Variants in ZNF385D observed in about 807,000 individuals in gnomAD.
The protein encoded by ZNF385D is zinc finger protein 385D.
ZNF385D carries 15 observed loss-of-function variants against 35.8 expected under a neutral mutation model. That is an observed-to-expected ratio of 0.42 (90% confidence interval 0.28 to 0.64). The LOEUF (loss-of-function observed/expected upper bound fraction) is 0.64, where lower values mean the gene tolerates loss of function less well. ZNF385D is among the 30% of genes least tolerant of loss of function. ZNF385D has a pLI of 0.23. For missense variants in ZNF385D, 474 were observed against 494.6 expected, an observed-to-expected ratio of 0.96 and a Z score of 0.39; for synonymous variants, 212 against 186.8, an observed-to-expected ratio of 1.13 and a Z score of -1.10.
intron 2 of ZNF385D, among the ~76,000 whole-genome samples, chr3:21,617,271 C>T (rs1369005104): frequency 6.6e-6 from 1 of 152,158 alleles, no homozygotes; most frequent in Non-Finnish European, 1.5e-5. Flanking sequence ...TTCTTCATGT[C>T]CAGGTTTCCC....
chr3:22,004,945 A>C (rs557123990), intron 3 of ZNF385D, among the ~76,000 whole-genome samples: 17 of 151,190 alleles, frequency 1.1e-4, no homozygotes, highest in Non-Finnish European at 1.6e-4. Flanking sequence ...GGACTTCCTG[A>C]GACTTTTCAC....
intron 3 of ZNF385D, among the ~76,000 whole-genome samples, chr3:21,999,416 T>C (rs998314348): frequency 6.6e-6 from 1 of 152,148 alleles, no homozygotes; most frequent in African/African-American, 2.4e-5. Context: ...ATATTGCTTG[T>C]TTGATTTAAA....
rs1216409233 is a variant in ZNF385D at position 21,418,428 on chromosome 3, T to C, written c.*2786A>G. 1 of 152,160 alleles carries C rather than the reference T, an allele frequency of 6.6e-6. No individual in the cohort carries two copies. The highest frequency in any genetic ancestry group is 1.9e-4 in the East Asian group (1 of 5,198). The allele number at this position is 152,160 out of a possible 1,614,324, so 9.4% of individuals were successfully genotyped here. A position where few individuals can be genotyped will look rare whatever the true frequency, so the allele number is the denominator to read the frequency against. On this transcript the variant is annotated 3_prime_UTR_variant, in exon 8 of 8. Coordinates refer to ENST00000281523, the MANE Select transcript of ZNF385D (RefSeq NM_024697.3). ...CACAGAGAATCCACTGTAAGTTCTG[T>C]GGTTAGGCTTCATCCTTTATTAGGT...
intron 4 of ZNF385D, among the ~76,000 whole-genome samples, chr3:21,495,380 A>AAC (rs1559346247): frequency 3.3e-5 from 5 of 152,204 alleles, no homozygotes; most frequent in Admixed American, 1.3e-4. Flanking sequence ...CAATGAAAAT[A>AAC]GAAATCAATC....
chr3:22,241,913 G>T (rs1699514056), intron 2 of ZNF385D, among the ~76,000 whole-genome samples: 1 of 150,678 alleles, frequency 6.6e-6, no homozygotes, highest in African/African-American at 2.5e-5. Context: ...ACTATTTATT[G>T]TAAAGGAGCT....
rs1701860221 is a variant in ZNF385D at position 22,283,275 on chromosome 3, A to G, written c.106+89175T>C. On this transcript the variant is annotated intron_variant, in intron 2 of 5. Transcript: ENST00000494108. ...CACTGACAGCTCTAGACAGGTCATC[A>G]AGATAGAAAGTCAACAAGGAAACAA... Among the ~76,000 whole-genome samples the G allele has an allele frequency of 1.3e-5, 2 of 152,138 alleles. 1 individual carries two copies. The highest frequency in any genetic ancestry group is 4.1e-4 in the South Asian group (2 of 4,826).
intron 3 of ZNF385D, among the ~76,000 whole-genome samples, chr3:22,038,063 A>G (rs1485750126): frequency 6.6e-6 from 1 of 152,180 alleles, no homozygotes; most frequent in Non-Finnish European, 1.5e-5. Context: ...CTTACACCTT[A>G]TACAAAAATT....
In ZNF385D at chr3:21,595,473, TTATA is replaced by T. The variant is rs201637458; in HGVS notation, c.166-30793_166-30790del. Among the ~76,000 whole-genome samples, 43 of 149,080 alleles carry T rather than the reference TTATA, an allele frequency of 2.9e-4. 1 individual carries two copies. Among genetic ancestry groups the T allele is most frequent in the East Asian group, 1.4e-3 (7 of 5,134 alleles). Reference sequence around the variant, plus strand: ...TGTAATATGTATATGTAATATATAATTATATATGTTTATGTAATATATATGTATG... The same window carrying T: ...TGTAATATGTATATGTAATATATAATTATGTTTATGTAATATATATGTATG... On this transcript the variant is annotated intron_variant, in intron 2 of 7. Coordinates refer to ENST00000281523, the MANE Select transcript of ZNF385D (RefSeq NM_024697.3).
At chr3:21,901,421 A>C (rs1575870876) in intron 3 of ZNF385D, among the ~76,000 whole-genome samples, 4 of 152,328 alleles carry the variant, frequency 2.6e-5, no homozygotes, top group Admixed American at 2.6e-4. Flanking sequence ...CCTGTCTCTC[A>C]AAAAGTACAT....
At chr3:22,327,653 CTA>C (rs1309416266) in intron 2 of ZNF385D, among the ~76,000 whole-genome samples, 1 of 152,142 alleles carries the variant, frequency 6.6e-6, no homozygotes, top group African/African-American at 2.4e-5. Flanking sequence ...GTAGGTGGTG[CTA>C]TGTTTTCTTA....
At chr3:21,882,698 C>A (rs555085306) in intron 3 of ZNF385D, among the ~76,000 whole-genome samples, 7 of 152,052 alleles carry the variant, frequency 4.6e-5, no homozygotes, top group Middle Eastern at 3.4e-3. Context: ...AGCAATGCTC[C>A]CGATTCTCAA....
intron 3 of ZNF385D, among the ~76,000 whole-genome samples, chr3:22,075,207 A>G (rs904324610): frequency 4.6e-5 from 7 of 151,788 alleles, no homozygotes; most frequent in African/African-American, 1.7e-4. Flanking sequence ...CCTTTCTCCT[A>G]TGTTTTTGAT....
intron 1 of ZNF385D, among the ~76,000 whole-genome samples, chr3:21,694,006 G>A (rs780425043): frequency 8.0e-5 from 11 of 138,158 alleles, no homozygotes; most frequent in Admixed American, 7.6e-5. Flanking sequence ...AGCCTCCTGC[G>A]TAGCTGGGAC....
intron 3 of ZNF385D, among the ~76,000 whole-genome samples, chr3:21,786,292 C>T (rs980522533): frequency 1.3e-5 from 2 of 152,138 alleles, no homozygotes; most frequent in African/African-American, 4.8e-5. Flanking sequence ...GCACGGCATG[C>T]CAGTAAATGT....
intron 3 of ZNF385D, among the ~76,000 whole-genome samples, chr3:21,779,905 T>C (rs2071426251): frequency 6.6e-6 from 1 of 151,974 alleles, no homozygotes; most frequent in African/African-American, 2.4e-5. Context: ...GTCCGAAAAT[T>C]AAATTTTCAT....
rs965204253 is a variant in ZNF385D at position 21,416,389 on chromosome 3, T to C, written c.*4825A>G. On this transcript the variant is annotated 3_prime_UTR_variant, in exon 8 of 8. Transcript: ENST00000281523. ...GAGTAGAACCTGCCTTTTGTCACCATTCACATTCTGGTAAGTTGTAAGTCC... is the reference window on the plus strand; with the variant it reads ...GAGTAGAACCTGCCTTTTGTCACCACTCACATTCTGGTAAGTTGTAAGTCC... 6.6e-6 allele frequency: 1 copy of C among 152,156 alleles called. No individual in the cohort carries two copies. The highest frequency in any genetic ancestry group is 2.4e-5 in the African/African-American group (1 of 41,440). 9.4% of individuals were successfully genotyped at this position (152,156 alleles called of 1,614,324 possible). A position where few individuals can be genotyped will look rare whatever the true frequency, so the allele number is the denominator to read the frequency against.
intron 3 of ZNF385D, among the ~76,000 whole-genome samples, chr3:21,790,908 T>C (rs1425873441): frequency 2.6e-5 from 4 of 152,198 alleles, no homozygotes; most frequent in Non-Finnish European, 5.9e-5. Context: ...GACTATTTAT[T>C]TTCTCTTCCT....
chr3:21,535,983 C>A (rs532351796), intron 3 of ZNF385D, among the ~76,000 whole-genome samples: 7 of 149,330 alleles, frequency 4.7e-5, no homozygotes, highest in African/African-American at 1.5e-4. Flanking sequence ...ATCCTGGATT[C>A]CCCACAATCA....
Position 21,421,325 on chromosome 3 carries a change from A to C in ZNF385D, c.1077T>G (p.Thr359=). ...TCTGGAACAGTGTTGCTGCTGGAGC[A>C]GTTCGAAGACTGAAGGGGGAACTCA... ...VAVSSPFSLR[T]APAATLFQTS... Residue 359 remains threonine, a synonymous_variant, in exon 8 of 8, where the codon ACT becomes ACG. Coordinates refer to ENST00000281523, the MANE Select transcript of ZNF385D (RefSeq NM_024697.3). The C allele has an allele frequency of 6.2e-7, 1 of 1,614,030 alleles. No homozygotes were observed. Among genetic ancestry groups the C allele is most frequent in the East Asian group, 2.2e-5 (1 of 44,872 alleles).
Sources: allele counts gnomAD v4.1 joint callset (sites outside exome capture counted in the v4.1 genomes callset), GRCh38; gene constraint gnomAD v4.1.1; transcripts MANE v1.5; gene names NCBI Gene and HGNC (gene_info 2026-07-23, HGNC 2026-07-21).